CACNA1C: variants seen among roughly 807,000 people sequenced by gnomAD.
CACNA1C encodes calcium voltage-gated channel subunit alpha1 C, also known as voltage-dependent L-type calcium channel subunit alpha-1C.
In CACNA1C, 30 loss-of-function variants were observed where a neutral mutation model predicts 229.0. That is an observed-to-expected ratio of 0.13 (90% CI 0.10 to 0.18). The LOEUF is 0.18. Ranked by LOEUF, CACNA1C falls within the 10% of genes least tolerant of loss-of-function variation. The pLI, the probability that CACNA1C is intolerant of heterozygous loss-of-function variation, is 1.00. For synonymous variants in CACNA1C, 1,114 were observed against 1,132.5 expected (o/e 0.98, Z 0.33); for missense variants, 1,658 against 2,845.0 (o/e 0.58, Z 9.49).
intron 2 of CACNA1C, 112 bp downstream of exon 2, chr12:2,115,657 G>T: frequency 4.0e-6 from 4 of 989,790 alleles, no homozygotes; most frequent in Non-Finnish European, 6.1e-6. Flanking sequence ...TACAAACGGG[G>T]CCTCGGGCCT....
At chr12:1,997,227 G>C (rs2041146959) in intron 1 of CACNA1C, among the ~76,000 whole-genome samples, 2 of 152,170 alleles carry the variant, frequency 1.3e-5, no homozygotes, top group African/African-American at 4.8e-5. Context: ...AGAGTCAGGG[G>C]TGGGAGAAAA....
At chr12:2,419,908 A>G (rs1309339932) in intron 3 of CACNA1C, among the ~76,000 whole-genome samples, 3 of 152,110 alleles carry the variant, frequency 2.0e-5, no homozygotes, top group Non-Finnish European at 2.9e-5. Flanking sequence ...GCCGGGGCCC[A>G]GCCTGCCCTG....
At chr12:1,983,018 A>AT (rs2036597987) in intron 1 of CACNA1C, among the ~76,000 whole-genome samples, 1 of 151,994 alleles carries the variant, frequency 6.6e-6, no homozygotes, top group East Asian at 1.9e-4. Flanking sequence ...TTTCTCAGTG[A>AT]ATTAGTCCAT....
chr12:2,408,023 C>T (rs1225707910), intron 3 of CACNA1C, among the ~76,000 whole-genome samples: 6 of 152,252 alleles, frequency 3.9e-5, no homozygotes, highest in Admixed American at 1.3e-4. Context: ...TGTAACAAGG[C>T]ACCCCAACTC....
At chr12:2,251,458 G>C (rs2075593517) in intron 3 of CACNA1C, among the ~76,000 whole-genome samples, 1 of 152,196 alleles carries the variant, frequency 6.6e-6, no homozygotes, top group Non-Finnish European at 1.5e-5. Context: ...TTCCAGCAGA[G>C]GTTTCCAAGC....
chr12:2,256,003 C>T (rs12304758), intron 3 of CACNA1C, among the ~76,000 whole-genome samples: 89 of 2,454 alleles, frequency 0.036, no homozygotes, highest in East Asian at 0.22. Flanking sequence ...AATCACACGA[C>T]CCTGACCTGA....
Position 2,664,915 on chromosome 12 carries a change from G to A in CACNA1C, c.4323G>A (p.Thr1441=), listed in dbSNP as rs753892795. 2.0e-5 allele frequency: 32 copies of A among 1,613,794 alleles called. No homozygotes were observed. Among genetic ancestry groups the A allele is most frequent in the Middle Eastern group, 3.3e-4 (2 of 6,084 alleles). The change falls in exon 35 of 47, where the codon ACG becomes ACA. Residue 1441 remains threonine, a synonymous_variant. Coordinates refer to ENST00000399655, the MANE Select transcript of CACNA1C (RefSeq NM_000719.7). The part of the protein sequence containing the change: ...CAPESEPSNS[T]EGETPCGSSF... ...CAGAGTCCGAGCCCAGCAACAGCAC[G>A]GAGGGTGAAACACCCTGTGGTAGCA...
intron 7 of CACNA1C, among the ~76,000 whole-genome samples, chr12:2,496,613 T>C (rs1220072973): frequency 6.8e-6 from 1 of 148,118 alleles, no homozygotes; most frequent in African/African-American, 2.5e-5. Context: ...TGCATTCCAT[T>C]GTTAGATTTT....
chr12:2,422,832 G>T (rs897887506), intron 3 of CACNA1C, among the ~76,000 whole-genome samples: 1 of 152,166 alleles, frequency 6.6e-6, no homozygotes, highest in African/African-American at 2.4e-5. Flanking sequence ...GCAGCGGCCC[G>T]TGGGGCAAGT....
chr12:2,389,623 C>A (rs1470912840), intron 3 of CACNA1C, among the ~76,000 whole-genome samples: 2 of 152,226 alleles, frequency 1.3e-5, no homozygotes. Context: ...GCTTCCTGGA[C>A]TGGCCTCATT....
At chr12:2,380,899 C>T (rs970719631) in intron 3 of CACNA1C, among the ~76,000 whole-genome samples, 1 of 152,116 alleles carries the variant, frequency 6.6e-6, no homozygotes, top group Non-Finnish European at 1.5e-5. Flanking sequence ...AGGCACATCA[C>T]CAAGGATCAC....
intron 1 of CACNA1C, among the ~76,000 whole-genome samples, chr12:2,100,060 G>T (rs2075727375): frequency 6.6e-6 from 1 of 152,166 alleles, no homozygotes; most frequent in Admixed American, 6.5e-5. Flanking sequence ...TGAGTGCCAG[G>T]CTGTACTGCC....
intron 1 of CACNA1C, among the ~76,000 whole-genome samples, chr12:2,076,874 GC>G (rs2063401407): frequency 6.6e-6 from 1 of 152,212 alleles, no homozygotes; most frequent in Non-Finnish European, 1.5e-5. Context: ...ACTGGGTTCT[GC>G]TATACGGCAC....
intron 3 of CACNA1C, among the ~76,000 whole-genome samples, chr12:2,235,339 G>C (rs1329483470): frequency 6.6e-6 from 1 of 152,134 alleles, no homozygotes; most frequent in East Asian, 1.9e-4. Context: ...CATTCAGCCG[G>C]GGTCCAACAC....
intron 9 of CACNA1C, among the ~76,000 whole-genome samples, chr12:2,514,753 T>C (rs530437790): frequency 1.3e-5 from 2 of 151,650 alleles, no homozygotes; most frequent in Non-Finnish European, 2.9e-5. Context: ...AGCCAGTGGT[T>C]ATCCACCGAG....
At chr12:2,190,533 A>G (rs1250301174) in intron 3 of CACNA1C, among the ~76,000 whole-genome samples, 4 of 152,234 alleles carry the variant, frequency 2.6e-5, no homozygotes, top group Admixed American at 6.5e-5. Context: ...TACGCACTCA[A>G]TGAAGACATA....
At chr12:1,993,243 A>G (rs199566881) in intron 1 of CACNA1C, 14 of 1,614,026 alleles carry the variant, frequency 8.7e-6, no homozygotes, top group Admixed American at 6.7e-5. Flanking sequence ...AAAACAACCC[A>G]CTGTAGTAAG....
intron 3 of CACNA1C, among the ~76,000 whole-genome samples, chr12:2,322,008 G>A (rs1244683328): frequency 6.6e-6 from 1 of 152,294 alleles, no homozygotes; most frequent in Non-Finnish European, 1.5e-5. Context: ...AGAACTAGAC[G>A]CAGCTGCTGA....
intron 29 of CACNA1C, among the ~76,000 whole-genome samples, chr12:2,629,546 G>A (rs1043970222): frequency 6.6e-6 from 1 of 152,194 alleles, no homozygotes; most frequent in Non-Finnish European, 1.5e-5. Flanking sequence ...CCTCAACTCT[G>A]TGCTTTATCC....
Sources: allele counts gnomAD v4.1 joint callset (sites outside exome capture counted in the v4.1 genomes callset), GRCh38; gene constraint gnomAD v4.1.1; transcripts MANE v1.5; gene names NCBI Gene and HGNC (gene_info 2026-07-23, HGNC 2026-07-21).